Variants in TFEB observed in about 807,000 individuals in gnomAD.
TFEB encodes T-cell transcription factor EB.
Under a neutral mutation model 48.0 loss-of-function variants are expected in TFEB, and 12 were observed. That is an observed-to-expected ratio of 0.25 (90% CI 0.16 to 0.40). TFEB has a LOEUF of 0.40. Ranked by LOEUF, TFEB falls within the 10% of genes least tolerant of loss-of-function variation. TFEB has a pLI of 1.00. For synonymous variants in TFEB, 244 were observed against 261.4 expected (o/e 0.93, Z 0.64); for missense variants, 509 against 640.3 (o/e 0.79, Z 2.21).
At chr6:41,731,166 G>A (rs540065724) in intron 1 of TFEB, among the ~76,000 whole-genome samples, 9 of 152,216 alleles carry the variant, frequency 5.9e-5, no homozygotes, top group African/African-American at 1.9e-4. Context: ...CAGCCCTCAC[G>A]ACAGCACTAG....
chr6:41,691,410 G>A lies in TFEB; in HGVS notation c.-22-175C>T, dbSNP rs1317142712. 2.7e-6 allele frequency: 2 copies of A among 751,704 alleles called. No homozygotes were observed. The highest frequency in any genetic ancestry group is 2.7e-5 in the East Asian group (1 of 37,428). The allele number at this position is 751,704 out of a possible 1,614,324, so 46.6% of individuals were successfully genotyped here. ...CACTGAGCAAGCGGGTGACAGCTGA[G>A]ACATGAATCCAAGTTTCCTGGTTCC... On this transcript the variant is annotated intron_variant, in intron 1 of 8. Transcript: ENST00000373033. The surrounding 1 kb of genome is among the most constrained non-coding windows in gnomAD (Gnocchi z 5.2).
At chr6:41,732,804 T>G in intron 1 of TFEB, 1 of 985,942 alleles carries the variant, frequency 1.0e-6, no homozygotes, top group South Asian at 4.7e-5. Context: ...CTGGGAACCC[T>G]GAACTCCCAC....
Position 41,690,814 on chromosome 6 carries a change from GCAGCAA to G in TFEB, c.311_316del (p.Phe104_Ala106delinsSer). On this transcript the variant is annotated inframe_deletion, in exon 3 of 9. Coordinates refer to ENST00000373033, the MANE Select transcript of TFEB (RefSeq NM_001271944.2). ...AGAGCCCTGGGCTGGGCTGATGTGG[GCAGCAA>G]ACTTGTTCCCATAGGTCTCGGACAG... is the stretch of plus-strand genomic sequence containing the variant. The G allele has an allele frequency of 6.2e-7, 1 of 1,613,292 alleles. No homozygotes were observed. The highest frequency in any genetic ancestry group is 8.5e-7 in the Non-Finnish European group (1 of 1,179,652).
At position 41,723,063 on chromosome 6, in the gene TFEB, C is replaced by T. The variant is rs1221515892; in HGVS notation, c.-23+12287G>A. ...TAATGTAAATGGGTATTCACTGTGGCCTGGCCAGTGACATGCTAAGCCCAT... is the reference window on the plus strand; with the variant it reads ...TAATGTAAATGGGTATTCACTGTGGTCTGGCCAGTGACATGCTAAGCCCAT... On this transcript the variant is annotated intron_variant, in intron 1 of 8. Coordinates refer to ENST00000373033, the MANE Select transcript of TFEB (RefSeq NM_001271944.2). The surrounding 1 kb of genome is among the most constrained non-coding windows in gnomAD (Gnocchi z 6.0). Among the ~76,000 whole-genome samples the T allele has an allele frequency of 6.6e-6, 1 of 152,130 alleles. No individual in the cohort carries two copies. Among genetic ancestry groups the T allele is most frequent in the Non-Finnish European group, 1.5e-5 (1 of 68,016 alleles).
intron 1 of TFEB, among the ~76,000 whole-genome samples, chr6:41,714,110 C>CGTGT (rs70987525): frequency 1.9e-4 from 28 of 144,190 alleles, no homozygotes; most frequent in Admixed American, 1.5e-3. Flanking sequence ...TGTGTGTGCA[C>CGTGT]GTGTGTGTGT....
chr6:41,714,169 G>C (rs1581918806), intron 1 of TFEB, among the ~76,000 whole-genome samples: 1 of 115,632 alleles, frequency 8.6e-6, no homozygotes, highest in South Asian at 3.1e-4. Flanking sequence ...GCGTGTGCAT[G>C]TGTGCGTGTG....
intron 1 of TFEB, among the ~76,000 whole-genome samples, chr6:41,701,062 G>C (rs375795402): frequency 6.6e-6 from 1 of 152,238 alleles, no homozygotes; most frequent in African/African-American, 2.4e-5. Flanking sequence ...TGATATGCAC[G>C]GACCGGCCCA....
At chr6:41,689,893 G>T in intron 3 of TFEB, 82 bp from the exon 4 acceptor site, 1 of 1,124,924 alleles carries the variant, frequency 8.9e-7, no homozygotes, top group South Asian at 1.3e-5. Context: ...CCACTGACCT[G>T]GAGGGACCTT....
chr6:41,731,433 T>G (rs1771445485), intron 1 of TFEB, among the ~76,000 whole-genome samples: 1 of 152,184 alleles, frequency 6.6e-6, no homozygotes, highest in African/African-American at 2.4e-5. Flanking sequence ...AAAGCTCAAT[T>G]CTGCGGACTG....
At position 41,734,314 on chromosome 6, in the gene TFEB, C is replaced by CGGGGCGCGGGGCT; in HGVS notation, c.-23+1023_-23+1035dup. The CGGGGCGCGGGGCT allele has an allele frequency of 2.0e-6, 2 of 983,704 alleles. No homozygotes were observed. Among genetic ancestry groups the CGGGGCGCGGGGCT allele is most frequent in the South Asian group, 9.4e-5 (2 of 21,252 alleles). 60.9% of individuals were successfully genotyped at this position (983,704 alleles called of 1,614,324 possible). Reference sequence around the variant, plus strand: ...CCCCGGGCTCCCTCCCTTCCTCACCCGGGGCGCGGGGCTGGGGCGCGCCAG... The same window carrying CGGGGCGCGGGGCT: ...CCCCGGGCTCCCTCCCTTCCTCACCCGGGGCGCGGGGCTGGGGCGCGGGGCTGGGGCGCGCCAG... On this transcript the variant is annotated intron_variant, in intron 1 of 8. Coordinates refer to ENST00000373033, the MANE Select transcript of TFEB (RefSeq NM_001271944.2). The surrounding 1 kb of genome is among the most constrained non-coding windows in gnomAD (Gnocchi z 4.0).
chr6:41,689,850 C>G lies in TFEB; in HGVS notation c.469-39G>C, dbSNP rs369258620. 3.2e-6 allele frequency: 5 copies of G among 1,567,148 alleles called. No individual in the cohort carries two copies. In the East Asian group the frequency reaches 9.0e-5, roughly 28 times the overall value. ...AAGTCCATCTGGGGAGGGCCCACCACGAGGTGGGCAGGGGAAAGAGGCATT... is the reference window on the plus strand; with the variant it reads ...AAGTCCATCTGGGGAGGGCCCACCAGGAGGTGGGCAGGGGAAAGAGGCATT... On this transcript the variant is annotated intron_variant, in intron 3 of 8. Coordinates refer to ENST00000373033, the MANE Select transcript of TFEB (RefSeq NM_001271944.2).
Position 41,696,284 on chromosome 6 carries a change from T to G in TFEB, c.-22-5049A>C, listed in dbSNP as rs912176202. ...TCCATGACCCATGGACCCCCTCCTA[T>G]GCATGCCCACCAGAAAAGCATCCAC... On this transcript the variant is annotated intron_variant, in intron 1 of 8. Transcript: ENST00000373033. 7.2e-5 allele frequency among the ~76,000 whole-genome samples: 11 copies of G among 152,316 alleles called. No individual in the cohort carries two copies. The South Asian group carries it at 1.9e-3, about 26-fold the overall frequency.
In TFEB at chr6:41,720,988, C is replaced by T. The variant is rs1310420298; in HGVS notation, c.-23+14362G>A. On this transcript the variant is annotated intron_variant, in intron 1 of 8. Transcript: ENST00000373033. The surrounding 1 kb of genome is among the most constrained non-coding windows in gnomAD (Gnocchi z 4.1). ...TGCAGCCTTCCACTGACGGCAGCCT[C>T]CCACCTTTCCAGGTAGCTCTCCAGC... is the stretch of plus-strand genomic sequence containing the variant. Among the ~76,000 whole-genome samples, 4 of 152,144 alleles carry T rather than the reference C, an allele frequency of 2.6e-5. No individual in the cohort carries two copies. The highest frequency in any genetic ancestry group is 1.3e-4 in the Admixed American group (2 of 15,278).
At chr6:41,733,645 C>G (rs1771543996) in intron 1 of TFEB, 1 of 985,310 alleles carries the variant, frequency 1.0e-6, no homozygotes, top group African/African-American at 1.7e-5. Context: ...CTGGGGTCAC[C>G]GGCATGGTGA....
intron 4 of TFEB, 47 bp downstream of exon 4, chr6:41,689,684 C>G: frequency 6.7e-7 from 1 of 1,493,612 alleles, no homozygotes; most frequent in Non-Finnish European, 9.3e-7. Context: ...GTGGGTGCCC[C>G]CCTCCCTAGA....
chr6:41,704,318 G>A lies in TFEB; in HGVS notation c.-22-13083C>T, dbSNP rs1381261625. Among the ~76,000 whole-genome samples, 3 of 152,238 alleles carry A rather than the reference G, an allele frequency of 2.0e-5. No homozygotes were observed. In the East Asian group the frequency reaches 5.8e-4, roughly 29 times the overall value. On this transcript the variant is annotated intron_variant, in intron 1 of 8. Transcript: ENST00000373033. ...GAATTCAAATCTGGCTTTGCCATTT[G>A]TCAGCTTTGTGACTGGGGGCAGGTG... is the stretch of plus-strand genomic sequence containing the variant.
At chr6:41,700,916 G>T (rs545562140) in intron 1 of TFEB, among the ~76,000 whole-genome samples, 1 of 152,364 alleles carries the variant, frequency 6.6e-6, no homozygotes, top group East Asian at 1.9e-4. Context: ...AGACCAGGGA[G>T]TCGCCCTGTC....
chr6:41,710,653 C>T (rs1340347439), intron 1 of TFEB, among the ~76,000 whole-genome samples: 2 of 152,142 alleles, frequency 1.3e-5, no homozygotes, highest in African/African-American at 4.8e-5. Flanking sequence ...CACTACCTAC[C>T]AGATAAAGTC....
intron 1 of TFEB, among the ~76,000 whole-genome samples, chr6:41,712,826 G>A (rs1214051487): frequency 6.6e-6 from 1 of 152,112 alleles, no homozygotes; most frequent in Admixed American, 6.5e-5. Context: ...CATGTCTCTG[G>A]AGAAAGCCTC....
Sources: gnomAD v4.1 joint callset for allele counts (sites outside exome capture counted in the v4.1 genomes callset) on GRCh38, gnomAD v4.1.1 for gene constraint, Gnocchi (gnomAD v3.1) non-coding constraint, MANE v1.5 for transcripts, NCBI Gene and HGNC (gene_info 2026-07-23, HGNC 2026-07-21) for gene names.